The following CRB1 variants were observed in gnomAD, a reference collection of about 807,000 sequenced individuals.
CRB1 encodes the protein protein crumbs homolog 1.
A neutral mutation model predicts 120.0 loss-of-function variants in CRB1; 83 were observed. The ratio of observed to expected loss-of-function variants is 0.69; its 90% CI spans 0.58 to 0.83. CRB1 has a LOEUF of 0.83. Ranked by LOEUF, CRB1 falls within the 40% of genes least tolerant of loss-of-function variation. CRB1 has a pLI of 0.00. For missense variants in CRB1, 1,699 were observed against 1,687.6 expected (o/e 1.01, Z -0.12); for synonymous variants, 625 against 612.5 (o/e 1.02, Z -0.30).
the CRB1 span, among the ~76,000 whole-genome samples, chr1:197,216,346 T>C: frequency 6.6e-6 from 1 of 152,226 alleles, no homozygotes; most frequent in Admixed American, 6.5e-5. Flanking sequence ...GAAGACATAT[T>C]AATTCTATTT....
At chr1:197,369,765 C>A (rs970448823) in intron 5 of CRB1, among the ~76,000 whole-genome samples, 5 of 152,176 alleles carry the variant, frequency 3.3e-5, no homozygotes, top group Admixed American at 2.0e-4. Context: ...CTACCCCATT[C>A]TGAACTTCTC....
intron 8 of CRB1, among the ~76,000 whole-genome samples, chr1:197,433,541 A>G (rs1664978115): frequency 6.6e-6 from 1 of 152,104 alleles, no homozygotes; most frequent in Non-Finnish European, 1.5e-5. Flanking sequence ...AAAATGAGGA[A>G]TAATAGAGTG....
At chr1:197,272,008 C>T (rs1654936372) in intron 1 of CRB1, among the ~76,000 whole-genome samples, 1 of 152,092 alleles carries the variant, frequency 6.6e-6, no homozygotes, top group Admixed American at 6.6e-5. Context: ...CTTCCAAAAA[C>T]CATTAGCAAT....
chr1:197,470,054 C>A (rs940680185), intron 11 of CRB1, among the ~76,000 whole-genome samples: 1 of 152,074 alleles, frequency 6.6e-6, no homozygotes, highest in Non-Finnish European at 1.5e-5. Flanking sequence ...CGTAAAAATC[C>A]CAAGAGGAAG....
chr1:197,273,538 A>G (rs1195236037), intron 1 of CRB1, among the ~76,000 whole-genome samples: 1 of 152,152 alleles, frequency 6.6e-6, no homozygotes, highest in Non-Finnish European at 1.5e-5. Flanking sequence ...GGAAAAATTT[A>G]CATAAATTAT....
chr1:197,323,723 T>A (rs1345962571), intron 1 of CRB1, among the ~76,000 whole-genome samples: 4 of 152,142 alleles, frequency 2.6e-5, no homozygotes. Flanking sequence ...GCATCTTCTA[T>A]GAGGTAAATG....
the CRB1 span, among the ~76,000 whole-genome samples, chr1:197,201,875 GA>G: frequency 6.6e-6 from 1 of 151,616 alleles, no homozygotes; most frequent in Non-Finnish European, 1.5e-5. Flanking sequence ...ATTGTACACA[GA>G]AAAAAAATAG....
chr1:197,357,392 T>C (rs1162730656), intron 5 of CRB1: 1 of 285,532 alleles, frequency 3.5e-6, no homozygotes, highest in Non-Finnish European at 6.8e-6. Context: ...TACTTATATT[T>C]ACACTGGGAA....
At chr1:197,374,315 A>G (rs1304460132) in intron 5 of CRB1, among the ~76,000 whole-genome samples, 1 of 152,120 alleles carries the variant, frequency 6.6e-6, no homozygotes, top group Non-Finnish European at 1.5e-5. Context: ...AGATTAGCCT[A>G]TGGGAGTGGA....
rs564177371 is a variant in CRB1, at chr1:197,413,799, G to A, written c.1172-7201G>A. The A allele has an allele frequency of 2.0e-4, 77 of 382,028 alleles. 1 individual carries two copies. The highest frequency in any genetic ancestry group is 1.4e-3 in the South Asian group (68 of 50,140). 23.7% of individuals were successfully genotyped at this position (382,028 alleles called of 1,614,324 possible). On this transcript the variant is annotated intron_variant, in intron 5 of 11. Coordinates refer to ENST00000367400, the MANE Select transcript of CRB1 (RefSeq NM_201253.3). ...ACTGATCCAGCTTGGAGGGAAATGA[G>A]TCAAAACCAAGTCCCCATACTCTCT...
chr1:197,462,512 C>T (rs2125550023), intron 11 of CRB1, among the ~76,000 whole-genome samples: 1 of 152,228 alleles, frequency 6.6e-6, no homozygotes, highest in South Asian at 2.1e-4. Context: ...AAAGGACTCC[C>T]TCAGTTTGCC....
chr1:197,226,549 G>C, the CRB1 span, among the ~76,000 whole-genome samples: 1 of 152,166 alleles, frequency 6.6e-6, no homozygotes, highest in Non-Finnish European at 1.5e-5. Context: ...ACCCCCAGTG[G>C]GATAATATTA....
chr1:197,264,190 T>C (rs116778811), upstream of CRB1, among the ~76,000 whole-genome samples: 1,075 of 152,304 alleles, frequency 7.1e-3, 11 homozygotes, highest in African/African-American at 0.024. Flanking sequence ...TGTGTACACA[T>C]TATTTAGCTC....
intron 5 of CRB1, among the ~76,000 whole-genome samples, chr1:197,389,496 T>C (rs1401896284): frequency 6.6e-6 from 1 of 152,068 alleles, no homozygotes; most frequent in Non-Finnish European, 1.5e-5. Context: ...GTTAATTTCA[T>C]AGAGTCAGAA....
the CRB1 span, among the ~76,000 whole-genome samples, chr1:197,205,272 T>C: frequency 3.3e-5 from 5 of 152,208 alleles, no homozygotes; most frequent in Non-Finnish European, 7.4e-5. Flanking sequence ...TGGCTCAGAC[T>C]TCCAGTACTG....
intron 1 of CRB1, among the ~76,000 whole-genome samples, chr1:197,319,154 T>C (rs1194953491): frequency 6.7e-6 from 1 of 150,260 alleles, no homozygotes; most frequent in Non-Finnish European, 1.5e-5. Flanking sequence ...TCTAAAATGC[T>C]CAATGATGGC....
the CRB1 span, among the ~76,000 whole-genome samples, chr1:197,240,623 A>G: frequency 2.6e-5 from 4 of 152,074 alleles, no homozygotes; most frequent in African/African-American, 9.7e-5. Flanking sequence ...ATTGATGCGC[A>G]TTTGGTTTGG....
chr1:197,407,059 A>G (rs1663448409), intron 5 of CRB1, among the ~76,000 whole-genome samples: 1 of 152,224 alleles, frequency 6.6e-6, no homozygotes, highest in Non-Finnish European at 1.5e-5. Context: ...CAATTAATAT[A>G]TGTAAACCTA....
At chr1:197,400,113 A>C (rs1418933449) in intron 5 of CRB1, among the ~76,000 whole-genome samples, 1 of 152,058 alleles carries the variant, frequency 6.6e-6, no homozygotes, top group African/African-American at 2.4e-5. Flanking sequence ...CAAGTCAATA[A>C]AACCAAAAGA....
Sources: allele counts gnomAD v4.1 joint callset (sites outside exome capture counted in the v4.1 genomes callset), GRCh38; gene constraint gnomAD v4.1.1; transcripts MANE v1.5; gene names NCBI Gene and HGNC (gene_info 2026-07-23, HGNC 2026-07-21).